MYO5A: variants seen among roughly 807,000 people sequenced by gnomAD.
MYO5A encodes the protein myosin VA, also known as unconventional myosin-Va.
A neutral mutation model predicts 249.7 loss-of-function variants in MYO5A; 98 were observed. The ratio of observed to expected loss-of-function variants is 0.39; its 90% CI spans 0.33 to 0.46. MYO5A has a LOEUF of 0.46. Among genes scored for constraint, MYO5A ranks in the 20% least tolerant of loss-of-function variants. The probability of loss-of-function intolerance (pLI) is 0.98; values close to 1 mark genes in which losing one functional copy is unlikely to be tolerated. For synonymous variants in MYO5A, 778 were observed against 810.6 expected (o/e 0.96, Z 0.68); for missense variants, 1,696 against 2,308.8 (o/e 0.73, Z 5.44).
At chr15:52,330,084 T>G (rs542272854) in intron 35 of MYO5A, among the ~76,000 whole-genome samples, 27 of 151,786 alleles carry the variant, frequency 1.8e-4, no homozygotes, top group African/African-American at 6.5e-4. Context: ...ATCAGTATGG[T>G]TCAAAGCTTC....
intron 1 of MYO5A, chr15:52,505,254 G>A (rs1255407446): frequency 2.5e-5 from 19 of 775,424 alleles, no homozygotes; most frequent in Non-Finnish European, 3.6e-5. Flanking sequence ...TGACAGACAA[G>A]AGCTACATCA....
chr15:52,408,025 T>C (rs765824118), intron 7 of MYO5A, 34 bp downstream of exon 7: 41 of 1,335,946 alleles, frequency 3.1e-5, no homozygotes, highest in Non-Finnish European at 3.9e-5. Context: ...CAGAAAACAA[T>C]ACCAGAACAA....
intron 4 of MYO5A, among the ~76,000 whole-genome samples, chr15:52,424,943 T>C (rs757112046): frequency 9.9e-5 from 15 of 152,184 alleles, no homozygotes; most frequent in Middle Eastern, 3.2e-3. Context: ...TGCCCTATCA[T>C]ATAATACTAA....
chr15:52,384,166 G>T lies in MYO5A; in HGVS notation c.1909C>A (p.His637Asn). The change falls in exon 15 of 42, where the codon CAT becomes AAT. Residue 637 changes from histidine to asparagine, a missense_variant. Physicochemically the swap from His to Asn is moderately conservative, Grantham distance 68 (BLOSUM62 1). Coordinates refer to ENST00000399233, the MANE Select transcript of MYO5A (RefSeq NM_001382347.1). ...CGGCAGCTCCCTGAACTCACCTGAT[G>T]CCCCACTGTTTTCTTGTGCTCTTTG... ...MAKEHKKTVG[H>N]QFRNSLHLLM... The T allele has an allele frequency of 6.2e-7, 1 of 1,614,128 alleles. No homozygotes were observed. Among genetic ancestry groups the T allele is most frequent in the Non-Finnish European group, 8.5e-7 (1 of 1,179,982 alleles).
intron 1 of MYO5A, among the ~76,000 whole-genome samples, chr15:52,522,964 C>T (rs2077653474): frequency 6.6e-6 from 1 of 152,084 alleles, no homozygotes; most frequent in South Asian, 2.1e-4. Flanking sequence ...TTTCACACTT[C>T]AAGAAACAGT....
intron 1 of MYO5A, among the ~76,000 whole-genome samples, chr15:52,516,646 T>G (rs1343212896): frequency 6.6e-6 from 1 of 152,226 alleles, no homozygotes; most frequent in Non-Finnish European, 1.5e-5. Flanking sequence ...GCTATAAAGA[T>G]TCCATTCTAT....
intron 4 of MYO5A, among the ~76,000 whole-genome samples, chr15:52,422,358 C>T (rs528194193): frequency 6.6e-6 from 1 of 152,056 alleles, no homozygotes; most frequent in East Asian, 1.9e-4. Flanking sequence ...AACATCTTTT[C>T]AACCTTAAAG....
chr15:52,349,255 G>C (rs912851346), intron 28 of MYO5A, among the ~76,000 whole-genome samples: 4 of 152,188 alleles, frequency 2.6e-5, no homozygotes, highest in Admixed American at 6.5e-5. Context: ...CAATACACAA[G>C]ACCTGCCTGG....
Position 52,380,639 on chromosome 15 carries a change from C to T in MYO5A, c.2013-731G>A, listed in dbSNP as rs1003160464. ...AAAATTAGCCAGGCATGGTGGCAGG[C>T]GCCTGTAATCCCAGCTACTCCAGAG... On this transcript the variant is annotated intron_variant, in intron 16 of 41. Transcript: ENST00000399233. Among the ~76,000 whole-genome samples the T allele has an allele frequency of 3.9e-5, 6 of 151,944 alleles. No individual in the cohort carries two copies. In the South Asian group the frequency reaches 8.3e-4, roughly 21 times the overall value.
intron 1 of MYO5A, among the ~76,000 whole-genome samples, chr15:52,511,945 T>C (rs982574423): frequency 3.9e-5 from 6 of 152,050 alleles, no homozygotes; most frequent in Admixed American, 3.9e-4. Context: ...GGGCAGATCA[T>C]GAGGTCAGGA....
At chr15:52,399,794 T>C (rs749997272) in intron 9 of MYO5A, among the ~76,000 whole-genome samples, 9 of 152,134 alleles carry the variant, frequency 5.9e-5, no homozygotes, top group Non-Finnish European at 1.2e-4. Flanking sequence ...TAGCTGCCAA[T>C]TGGTTGTTTT....
At chr15:52,494,202 A>G (rs2076992568) in intron 1 of MYO5A, among the ~76,000 whole-genome samples, 1 of 152,140 alleles carries the variant, frequency 6.6e-6, no homozygotes, top group Admixed American at 6.5e-5. Flanking sequence ...AGCATTAATG[A>G]CTCATCATCA....
chr15:52,515,922 G>C (rs1184864384), intron 1 of MYO5A, among the ~76,000 whole-genome samples: 1 of 152,144 alleles, frequency 6.6e-6, no homozygotes, highest in Non-Finnish European at 1.5e-5. Context: ...TGAGAAAGCA[G>C]ACAGAGAGAA....
chr15:52,472,784 G>A lies in MYO5A; in HGVS notation c.28-39499C>T, dbSNP rs148659112. On this transcript the variant is annotated intron_variant, in intron 1 of 41. Transcript: ENST00000399233. ...ACATGTGCCACATTTTCTTAATCCA[G>A]TCTATCATTGTTGGACATTTGGGTT... Among the ~76,000 whole-genome samples the A allele has an allele frequency of 2.0e-4, 31 of 152,260 alleles. 2 individuals are homozygous for A. In the East Asian group the frequency reaches 5.8e-3, roughly 28 times the overall value.
chr15:52,366,894 T>C, intron 23 of MYO5A, 137 bp downstream of exon 23: 1 of 778,138 alleles, frequency 1.3e-6, no homozygotes, highest in Non-Finnish European at 2.2e-6. Flanking sequence ...TGGAACTTTA[T>C]AAATTTGCTG....
chr15:52,343,842 A>G (rs935749222), intron 30 of MYO5A, among the ~76,000 whole-genome samples: 2 of 152,240 alleles, frequency 1.3e-5, no homozygotes, highest in Admixed American at 6.5e-5. Flanking sequence ...TTAAAAACGT[A>G]TAATTAGTAA....
intron 15 of MYO5A, among the ~76,000 whole-genome samples, chr15:52,383,460 G>C (rs1322344235): frequency 1.3e-5 from 2 of 152,172 alleles, no homozygotes; most frequent in Non-Finnish European, 2.9e-5. Context: ...ACAGAAACCT[G>C]TTATGAGCTT....
At chr15:52,491,469 A>G (rs1358952631) in intron 1 of MYO5A, among the ~76,000 whole-genome samples, 2 of 152,198 alleles carry the variant, frequency 1.3e-5, no homozygotes, top group Non-Finnish European at 2.9e-5. Context: ...TCTAGTCACA[A>G]TGACACTGTA....
At chr15:52,393,799 T>A (rs1212144568) in intron 11 of MYO5A, among the ~76,000 whole-genome samples, 1 of 152,212 alleles carries the variant, frequency 6.6e-6, no homozygotes, top group East Asian at 1.9e-4. Flanking sequence ...TTTCTTCTGT[T>A]CTTTTGATTA....
Sources: allele counts gnomAD v4.1 joint callset (sites outside exome capture counted in the v4.1 genomes callset), GRCh38; gene constraint gnomAD v4.1.1; transcripts MANE v1.5; gene names NCBI Gene and HGNC (gene_info 2026-07-23, HGNC 2026-07-21).